The following MBD5 variants were observed in gnomAD, a reference collection of about 807,000 sequenced individuals.
The protein encoded by MBD5 is methyl-CpG binding domain protein 5, also known as methyl-CpG-binding domain protein 5.
A neutral mutation model predicts 117.3 loss-of-function variants in MBD5; 13 were observed. The observed-to-expected ratio is 0.11, with a 90% CI of 0.07 to 0.18. The LOEUF (loss-of-function observed/expected upper bound fraction) is 0.18. MBD5 is among the 10% of genes least tolerant of loss of function. The pLI is 1.00. For missense variants in MBD5, 1,879 were observed against 2,093.8 expected (o/e 0.90, Z 2.00); for synonymous variants, 727 against 766.4 (o/e 0.95, Z 0.85).
chr2:148,501,221 G>A (rs1265002331), intron 11 of MBD5, among the ~76,000 whole-genome samples: 3 of 152,190 alleles, frequency 2.0e-5, no homozygotes, highest in African/African-American at 7.2e-5. Context: ...TAGATTTGAA[G>A]GGGTCATAGA....
chr2:148,128,822 G>GA (rs1054918217), intron 1 of MBD5, among the ~76,000 whole-genome samples: 2 of 150,936 alleles, frequency 1.3e-5, no homozygotes, highest in South Asian at 2.1e-4. Context: ...CTCCATCTTA[G>GA]AAAAAAAAAC....
chr2:148,067,812 C>T (rs574880726), intron 1 of MBD5, among the ~76,000 whole-genome samples: 1 of 152,312 alleles, frequency 6.6e-6, no homozygotes, highest in Non-Finnish European at 1.5e-5. Context: ...AAGTATATTG[C>T]CCTGTGTGGG....
intron 1 of MBD5, among the ~76,000 whole-genome samples, chr2:148,090,845 C>G (rs1695923528): frequency 6.6e-6 from 1 of 152,008 alleles, no homozygotes; most frequent in African/African-American, 2.4e-5. Flanking sequence ...CCATAACAAT[C>G]AGACAAGAGA....
At chr2:148,168,693 T>C (rs1394259545) in intron 1 of MBD5, among the ~76,000 whole-genome samples, 1 of 151,922 alleles carries the variant, frequency 6.6e-6, no homozygotes, top group East Asian at 1.9e-4. Flanking sequence ...TGGTGAGCCA[T>C]GATTGCGCTA....
chr2:148,458,679 T>A lies in MBD5; in HGVS notation c.-80T>A. 7.8e-7 allele frequency: 1 copy of A among 1,274,546 alleles called. No homozygotes were observed. The highest frequency in any genetic ancestry group is 1.1e-6 in the Non-Finnish European group (1 of 873,098). The allele number at this position is 1,274,546 out of a possible 1,614,324, so 79.0% of individuals were successfully genotyped here. On this transcript the variant is annotated 5_prime_UTR_variant, in exon 5 of 14. It adds an upstream start codon to the 5' untranslated region. Coordinates refer to ENST00000642680, the MANE Select transcript of MBD5 (RefSeq NM_001378120.1). ...AAAACTGTGCTGCACTGGCCCACTT[T>A]TGAAGGCCATCATGCTCTGTAATAT...
chr2:148,329,234 C>T (rs1413753406), intron 3 of MBD5, among the ~76,000 whole-genome samples: 1 of 152,144 alleles, frequency 6.6e-6, no homozygotes, highest in African/African-American at 2.4e-5. Flanking sequence ...AGAAATGAAA[C>T]AGTAGTTGAG....
intron 7 of MBD5, among the ~76,000 whole-genome samples, chr2:148,466,884 T>A (rs6714055): frequency 0.84 from 127,689 of 152,192 alleles, 55,646 homozygotes; most frequent in South Asian, 0.98. Flanking sequence ...CAGGTTGAGA[T>A]CCACTATCTC....
intron 1 of MBD5, among the ~76,000 whole-genome samples, chr2:148,149,145 T>C (rs1303994815): frequency 6.8e-6 from 1 of 146,210 alleles, no homozygotes; most frequent in East Asian, 2.0e-4. Flanking sequence ...TGTGTCCATG[T>C]GATCTCATTG....
At chr2:148,097,944 G>C (rs1023439021) in intron 1 of MBD5, among the ~76,000 whole-genome samples, 1 of 152,174 alleles carries the variant, frequency 6.6e-6, no homozygotes, top group Non-Finnish European at 1.5e-5. Context: ...CTTGAACATT[G>C]AATGTAGGGG....
intron 4 of MBD5, among the ~76,000 whole-genome samples, chr2:148,425,165 G>T (rs1318873283): frequency 1.3e-5 from 2 of 151,750 alleles, no homozygotes; most frequent in Non-Finnish European, 2.9e-5. Flanking sequence ...ACAGAGAGAA[G>T]AATCAACTAG....
chr2:148,163,257 G>A (rs1050295184), intron 1 of MBD5, among the ~76,000 whole-genome samples: 2 of 152,022 alleles, frequency 1.3e-5, no homozygotes, highest in African/African-American at 4.8e-5. Flanking sequence ...ATAGGTCTTG[G>A]AGCCTAAGCC....
rs770845516 is a variant in MBD5, at chr2:148,390,580, T to C, written c.-557+48244T>C. 8.9e-3 allele frequency among the ~76,000 whole-genome samples: 1,129 copies of C among 127,316 alleles called. 12 individuals are homozygous for C. Among genetic ancestry groups the C allele is most frequent in the South Asian group, 0.028 (103 of 3,638 alleles). The allele number at this position is 127,316 out of a possible 152,430, so 83.5% of individuals were successfully genotyped here. A position where few individuals can be genotyped will look rare whatever the true frequency, so the allele number is the denominator to read the frequency against. ...GTATGTGTGTATATATATATATATA[T>C]ATACATACTTTTTGAGATGGGGTCT... On this transcript the variant is annotated intron_variant, in intron 4 of 13. Coordinates refer to ENST00000642680, the MANE Select transcript of MBD5 (RefSeq NM_001378120.1).
chr2:148,047,782 T>C (rs1173476011), intron 1 of MBD5, among the ~76,000 whole-genome samples: 1 of 152,238 alleles, frequency 6.6e-6, no homozygotes, highest in Non-Finnish European at 1.5e-5. Context: ...TCCAAAGTGA[T>C]ACCTTAGCTA....
At chr2:148,172,719 G>T (rs576610724) in intron 1 of MBD5, among the ~76,000 whole-genome samples, 2 of 152,086 alleles carry the variant, frequency 1.3e-5, no homozygotes, top group African/African-American at 2.4e-5. Context: ...TTCCAGACCC[G>T]CCATGGCTGC....
intron 8 of MBD5, among the ~76,000 whole-genome samples, chr2:148,479,941 A>G (rs1409999726): frequency 6.6e-6 from 1 of 152,020 alleles, no homozygotes; most frequent in Admixed American, 6.5e-5. Context: ...TCTAGTTCAT[A>G]ATAAACTCTG....
At chr2:148,282,062 T>C (rs114290583) in intron 3 of MBD5, among the ~76,000 whole-genome samples, 1,523 of 152,280 alleles carry the variant, frequency 0.01, 25 homozygotes, top group African/African-American at 0.035. Flanking sequence ...TCTTGATTTT[T>C]TTCTTTACTA....
At chr2:148,081,670 T>C (rs564335124) in intron 1 of MBD5, among the ~76,000 whole-genome samples, 1 of 152,162 alleles carries the variant, frequency 6.6e-6, no homozygotes, top group Non-Finnish European at 1.5e-5. Flanking sequence ...TCTGGTCTCC[T>C]TTTTTTCAAA....
At chr2:148,505,886 C>T (rs144930043) in intron 12 of MBD5, among the ~76,000 whole-genome samples, 62 of 152,226 alleles carry the variant, frequency 4.1e-4, no homozygotes, top group African/African-American at 1.4e-3. Context: ...GCTGTGTGTT[C>T]GTAATCTCCC....
chr2:148,035,142 T>C (rs2105621524), intron 1 of MBD5, among the ~76,000 whole-genome samples: 1 of 152,118 alleles, frequency 6.6e-6, no homozygotes, highest in South Asian at 2.1e-4. Context: ...ACTAATAGCA[T>C]CTACTACCAT....
Sources: gnomAD v4.1 joint callset for allele counts (sites outside exome capture counted in the v4.1 genomes callset) on GRCh38, gnomAD v4.1.1 for gene constraint, MANE v1.5 for transcripts, NCBI Gene and HGNC (gene_info 2026-07-23, HGNC 2026-07-21) for gene names.